The following ARMC9 variants were observed in gnomAD, a reference collection of about 807,000 sequenced individuals.
The protein encoded by ARMC9 is lisH domain-containing protein ARMC9.
In ARMC9, 94 loss-of-function variants were observed where a neutral mutation model predicts 107.0. The observed-to-expected ratio is 0.88, with a 90% CI of 0.74 to 1.04. The LOEUF (loss-of-function observed/expected upper bound fraction) is 1.04. Ranked by LOEUF, ARMC9 falls within the 50% of genes least tolerant of loss-of-function variation. The pLI is 0.00. For synonymous variants in ARMC9, 380 were observed against 396.9 expected (o/e 0.96, Z 0.51); for missense variants, 942 against 1,030.1 (o/e 0.91, Z 1.17).
At chr2:231,342,853 CT>C (rs1210784050) in intron 20 of ARMC9, among the ~76,000 whole-genome samples, 2 of 152,144 alleles carry the variant, frequency 1.3e-5, no homozygotes, top group Non-Finnish European at 1.5e-5. Context: ...CTTTCTCACT[CT>C]CCCAGGCTTT....
At chr2:231,356,970 C>A (rs1251107161) in intron 22 of ARMC9, among the ~76,000 whole-genome samples, 1 of 152,136 alleles carries the variant, frequency 6.6e-6, no homozygotes, top group East Asian at 1.9e-4. Context: ...GTAGCGGTAA[C>A]ATCCTTGCTT....
chr2:231,253,151 G>A (rs2037457658), intron 9 of ARMC9, among the ~76,000 whole-genome samples: 2 of 151,862 alleles, frequency 1.3e-5, no homozygotes, highest in Admixed American at 6.6e-5. Flanking sequence ...TTGAGATGGA[G>A]TCTTGGTCTG....
At position 231,216,853 on chromosome 2, in the gene ARMC9, T is replaced by G. The variant is rs1170627814; in HGVS notation, c.504+60T>G. On this transcript the variant is annotated intron_variant, in intron 5 of 24. Coordinates refer to ENST00000611582, the MANE Select transcript of ARMC9 (RefSeq NM_001352754.2). ...TGGGTGACATTGTGGTTTTACCTTCTGTATGCTGGGGGCTTCTGAATGATG... is the reference window on the plus strand; with the variant it reads ...TGGGTGACATTGTGGTTTTACCTTCGGTATGCTGGGGGCTTCTGAATGATG... 1.9e-6 allele frequency: 3 copies of G among 1,540,862 alleles called. No individual in the cohort carries two copies. In the East Asian group the frequency reaches 6.8e-5, roughly 35 times the overall value.
At chr2:231,334,404 A>G (rs959980046) in intron 20 of ARMC9, among the ~76,000 whole-genome samples, 1 of 152,218 alleles carries the variant, frequency 6.6e-6, no homozygotes, top group Non-Finnish European at 1.5e-5. Flanking sequence ...TGTGGCTGCA[A>G]CATGCCAATC....
At chr2:231,216,257 T>C (rs1010273414) in intron 4 of ARMC9, among the ~76,000 whole-genome samples, 2 of 152,182 alleles carry the variant, frequency 1.3e-5, no homozygotes, top group Non-Finnish European at 2.9e-5. Flanking sequence ...CAGATACTTA[T>C]TTATATCTGA....
intron 15 of ARMC9, 89 bp downstream of exon 15, chr2:231,276,864 C>T (rs982748947): frequency 6.6e-7 from 1 of 1,504,026 alleles, no homozygotes; most frequent in Non-Finnish European, 8.9e-7. Context: ...ATATGGTTTG[C>T]TTTTAGTCTC....
intron 19 of ARMC9, among the ~76,000 whole-genome samples, chr2:231,316,318 G>A (rs958454525): frequency 6.6e-6 from 1 of 151,062 alleles, no homozygotes; most frequent in African/African-American, 2.4e-5. Flanking sequence ...ATTGCTACTT[G>A]ATTTGGTCAA....
At chr2:231,334,940 T>C (rs2043986555) in intron 20 of ARMC9, among the ~76,000 whole-genome samples, 1 of 152,194 alleles carries the variant, frequency 6.6e-6, no homozygotes, top group Non-Finnish European at 1.5e-5. Context: ...CTGGGAAATA[T>C]GTGCCTGAAA....
intron 9 of ARMC9, among the ~76,000 whole-genome samples, chr2:231,242,180 A>G (rs1370660803): frequency 1.3e-5 from 2 of 151,054 alleles, no homozygotes; most frequent in Non-Finnish European, 2.9e-5. Flanking sequence ...CTGGATGGTC[A>G]GACAACTGCT....
chr2:231,254,668 T>A (rs964508069), intron 9 of ARMC9, among the ~76,000 whole-genome samples: 1 of 144,348 alleles, frequency 6.9e-6, no homozygotes, highest in African/African-American at 2.5e-5. Context: ...AAAAAAAAAA[T>A]TGAAAAAAAT....
chr2:231,232,204 T>C (rs2035297696), intron 7 of ARMC9, among the ~76,000 whole-genome samples: 1 of 151,312 alleles, frequency 6.6e-6, no homozygotes, highest in Admixed American at 6.6e-5. Flanking sequence ...TTTTGTATTT[T>C]TTGTAGAGAT....
intron 14 of ARMC9, among the ~76,000 whole-genome samples, chr2:231,274,337 C>T (rs1187874244): frequency 6.6e-6 from 1 of 152,056 alleles, no homozygotes; most frequent in Non-Finnish European, 1.5e-5. Context: ...AGTCTGGTCT[C>T]GAACTCCTAA....
Position 231,360,712 on chromosome 2 carries a change from T to C in ARMC9, c.2132-42T>C. ...CACGAGAGGGCATCCTTAGAGGGGC[T>C]CCAGAGCAGATGTGGACTGAACTTT... On this transcript the variant is annotated intron_variant, in intron 22 of 24. Transcript: ENST00000611582. The surrounding 1 kb of genome is among the most constrained non-coding windows in gnomAD (Gnocchi z 4.7). The C allele has an allele frequency of 6.5e-7, 1 of 1,536,064 alleles. No homozygotes were observed. Among genetic ancestry groups the C allele is most frequent in the Non-Finnish European group, 8.7e-7 (1 of 1,146,882 alleles).
rs369928467 is a variant in ARMC9 at position 231,361,575 on chromosome 2, G to T, written c.2261+692G>T. Among the ~76,000 whole-genome samples, 7 of 151,864 alleles carry T rather than the reference G, an allele frequency of 4.6e-5. No homozygotes were observed. The South Asian group carries it at 8.3e-4, about 18-fold the overall frequency. On this transcript the variant is annotated intron_variant, in intron 23 of 24. Coordinates refer to ENST00000611582, the MANE Select transcript of ARMC9 (RefSeq NM_001352754.2). The stretch of plus-strand genomic sequence containing the variant: ...AGACTGGCCCTGTGGGTTATTAGGG[G>T]TTCTTTAGGGTCTAGAAAGGACCTT...
intron 19 of ARMC9, among the ~76,000 whole-genome samples, chr2:231,302,765 G>T (rs190825374): frequency 5.9e-5 from 9 of 152,272 alleles, no homozygotes; most frequent in Non-Finnish European, 1.2e-4. Context: ...CACTTTCGGA[G>T]CCCCAGGTGG....
At chr2:231,314,144 A>G (rs1256112022) in intron 19 of ARMC9, among the ~76,000 whole-genome samples, 2 of 150,628 alleles carry the variant, frequency 1.3e-5, no homozygotes, top group African/African-American at 4.9e-5. Flanking sequence ...TGATGGCGCA[A>G]TCTCAGCTCA....
intron 19 of ARMC9, among the ~76,000 whole-genome samples, chr2:231,298,955 T>G (rs2041551463): frequency 6.6e-6 from 1 of 152,044 alleles, no homozygotes; most frequent in East Asian, 1.9e-4. Context: ...GGGGCTGTAG[T>G]GGGATGGGGC....
intron 14 of ARMC9, 92 bp downstream of exon 14, chr2:231,273,170 C>T: frequency 8.7e-6 from 13 of 1,502,762 alleles, no homozygotes; most frequent in Non-Finnish European, 1.2e-5. Flanking sequence ...GGTATTTTTC[C>T]ACTACACTTT....
At chr2:231,256,447 A>AAAAAAAAAAACC (rs2037823439) in intron 9 of ARMC9, 139 bp from the exon 10 acceptor site, 2 of 872,958 alleles carry the variant, frequency 2.3e-6, no homozygotes, top group Non-Finnish European at 3.3e-6. Flanking sequence ...GTTTCAAGTT[A>AAAAAAAAAAACC]AAAAAAAAAA....
Sources: allele counts gnomAD v4.1 joint callset (sites outside exome capture counted in the v4.1 genomes callset), GRCh38; gene constraint gnomAD v4.1.1; non-coding constraint Gnocchi (gnomAD v3.1); transcripts MANE v1.5; gene names NCBI Gene and HGNC (gene_info 2026-07-23, HGNC 2026-07-21).